FBXO9: variants seen among roughly 807,000 people sequenced by gnomAD.
The protein encoded by FBXO9 is F-box only protein 9.
In FBXO9, 43 loss-of-function variants were observed where a neutral mutation model predicts 63.7. The ratio of observed to expected loss-of-function variants is 0.67; its 90% CI spans 0.53 to 0.87. The LOEUF (loss-of-function observed/expected upper bound fraction) is 0.87. Among genes scored for constraint, FBXO9 ranks in the 40% least tolerant of loss-of-function variants. The probability of loss-of-function intolerance (pLI) is 0.00; values close to 1 mark genes in which losing one functional copy is unlikely to be tolerated. For synonymous variants in FBXO9, 156 were observed against 171.7 expected, an observed-to-expected ratio of 0.91 and a Z score of 0.72; for missense variants, 442 against 533.2, an observed-to-expected ratio of 0.83 and a Z score of 1.68.
In FBXO9 at chr6:53,075,734, A is replaced by ATTTTTTTTTTTTTTTTTTTTTTTTT. The variant is rs761159029; in HGVS notation, c.250-750_250-749insTTTTTTTTTTTTTTTTTTTTTTTTT. On this transcript the variant is annotated intron_variant, in intron 3 of 12. Coordinates refer to ENST00000323557, the MANE Select transcript of FBXO9 (RefSeq NM_033480.3). ...TAATTGGATTACATATATATATATAATTATTTTTTTTTTTTTTTTTTTTTT... is the reference window on the plus strand; with the variant it reads ...TAATTGGATTACATATATATATATAATTTTTTTTTTTTTTTTTTTTTTTTTTTATTTTTTTTTTTTTTTTTTTTTT... 9.7e-5 allele frequency among the ~76,000 whole-genome samples: 8 copies of ATTTTTTTTTTTTTTTTTTTTTTTTT among 82,180 alleles called. 3 individuals are homozygous for ATTTTTTTTTTTTTTTTTTTTTTTTT. The highest frequency in any genetic ancestry group is 1.0e-4 in the African/African-American group (2 of 19,318). The allele number at this position is 82,180 out of a possible 152,430, so 53.9% of individuals were successfully genotyped here.
rs987352670 is a variant in FBXO9 at position 53,100,221 on chromosome 6, T to C, written c.*2391T>C. ...AAGATAACCAGAAGAAAATTTTTGC[T>C]ATGTAACCTTTTTCTTCTGGTCTTT... On this transcript the variant is annotated 3_prime_UTR_variant, in exon 13 of 13. Coordinates refer to ENST00000323557, the MANE Select transcript of FBXO9 (RefSeq NM_033480.3). 1.3e-5 allele frequency: 2 copies of C among 152,040 alleles called. No homozygotes were observed. 9.4% of individuals were successfully genotyped at this position (152,040 alleles called of 1,614,324 possible). A position where few individuals can be genotyped will look rare whatever the true frequency, so the allele number is the denominator to read the frequency against.
rs770124348 is a variant in FBXO9, at chr6:53,092,515, T to C, written c.740T>C (p.Met247Thr). 2 of 1,613,938 alleles carry C rather than the reference T, an allele frequency of 1.2e-6. No homozygotes were observed. The highest frequency in any genetic ancestry group is 1.7e-6 in the Non-Finnish European group (2 of 1,179,866). Residue 247 changes from methionine to threonine, a missense_variant, in exon 8 of 13, where the codon ATG becomes ACG. Around this residue, in one of 2 missense-constraint regions of FBXO9, gnomAD observed 262 missense variants for 362.1 expected, o/e 0.72. Coordinates refer to ENST00000323557, the MANE Select transcript of FBXO9 (RefSeq NM_033480.3). The part of the protein sequence containing the change: ...KLVPYTSWRE[M>T]FLERPRVRFD... ...GTTCCGTACACGTCCTGGAGAGAGATGTTTTTAGAACGGCCTCGTGTTCGG... is the reference window on the plus strand; with the variant it reads ...GTTCCGTACACGTCCTGGAGAGAGACGTTTTTAGAACGGCCTCGTGTTCGG...
At chr6:53,066,117 G>A in intron 1 of FBXO9, 1 of 1,151,896 alleles carries the variant, frequency 8.7e-7, no homozygotes, top group South Asian at 4.4e-5. Flanking sequence ...GTCCTCTCAA[G>A]GGATTTTATC....
chr6:53,080,888 GA>G, intron 5 of FBXO9, 79 bp from the exon 6 acceptor site: 1 of 1,516,070 alleles, frequency 6.6e-7, no homozygotes. Context: ...AAGCAAATTT[GA>G]AAATGCTATG....
intron 6 of FBXO9, among the ~76,000 whole-genome samples, chr6:53,081,940 A>G (rs1360880933): frequency 2.6e-5 from 4 of 152,100 alleles, no homozygotes; most frequent in Non-Finnish European, 4.4e-5. Flanking sequence ...GTCGTGGCGC[A>G]TGACTGTAGT....
chr6:53,097,755 G>C lies in FBXO9; in HGVS notation c.1239G>C (p.Glu413Asp), dbSNP rs1235627455. 1 of 1,605,750 alleles carries C rather than the reference G, an allele frequency of 6.2e-7. No individual in the cohort carries two copies. Among genetic ancestry groups the C allele is most frequent in the Non-Finnish European group, 8.5e-7 (1 of 1,175,566 alleles). ...GTGAGACTGCAGTCAGTGCTTTTGA[G>C]ATTGACAAGATGTACACCCCCTTGT... ...STGETAVSAF[E>D]IDKMYTPLFF... The change falls in exon 13 of 13, where the codon GAG (glutamate) becomes GAC (aspartate). Residue 413 changes from glutamate (E) to aspartate (D), a missense_variant. This residue lies in a region of FBXO9 where 262 missense variants were observed against 362.1 expected (regional missense o/e 0.72). Coordinates refer to ENST00000323557, the MANE Select transcript of FBXO9 (RefSeq NM_033480.3).
chr6:53,074,362 G>C (rs1490967529), intron 3 of FBXO9, among the ~76,000 whole-genome samples: 1 of 152,076 alleles, frequency 6.6e-6, no homozygotes, highest in Admixed American at 6.6e-5. Flanking sequence ...AATAATTACA[G>C]GTCCACAGGT....
Position 53,065,705 on chromosome 6 carries a change from C to G in FBXO9, c.-85C>G, listed in dbSNP as rs1768667111. 7.1e-7 allele frequency: 1 copy of G among 1,411,656 alleles called. No individual in the cohort carries two copies. 87.4% of individuals were successfully genotyped at this position (1,411,656 alleles called of 1,614,324 possible). A position where few individuals can be genotyped will look rare whatever the true frequency, so the allele number is the denominator to read the frequency against. On this transcript the variant is annotated 5_prime_UTR_variant, in exon 1 of 13. Coordinates refer to ENST00000323557, the MANE Select transcript of FBXO9 (RefSeq NM_033480.3). ...CTGCAGAGACAGGCAGGAGTAGACA[C>G]CCGGACACCCAGCACCCCTCCTCCG...
At chr6:53,069,302 TGAA>T (rs1768825625) in intron 1 of FBXO9, among the ~76,000 whole-genome samples, 1 of 152,218 alleles carries the variant, frequency 6.6e-6, no homozygotes. Context: ...AACTTACCTG[TGAA>T]GAAGATAACT....
intron 4 of FBXO9, among the ~76,000 whole-genome samples, chr6:53,077,281 C>A (rs533508533): frequency 6.6e-6 from 1 of 151,602 alleles, no homozygotes; most frequent in Non-Finnish European, 1.5e-5. Flanking sequence ...GAGACCATCC[C>A]GGCTAAAACG....
At position 53,098,626 on chromosome 6, in the gene FBXO9, T is replaced by C. The variant is rs1389286040; in HGVS notation, c.*796T>C. ...AAAAAAATAATTCCTCATTTCATCA[T>C]TGGTCTTTATATGTAGCCACAAACA... On this transcript the variant is annotated 3_prime_UTR_variant, in exon 13 of 13. Coordinates refer to ENST00000323557, the MANE Select transcript of FBXO9 (RefSeq NM_033480.3). 1 of 152,180 alleles carries C rather than the reference T, an allele frequency of 6.6e-6. No individual in the cohort carries two copies. The highest frequency in any genetic ancestry group is 1.5e-5 in the Non-Finnish European group (1 of 68,040). The allele number at this position is 152,180 out of a possible 1,614,324, so 9.4% of individuals were successfully genotyped here. A position where few individuals can be genotyped will look rare whatever the true frequency, so the allele number is the denominator to read the frequency against.
upstream of FBXO9, chr6:53,065,301 T>A (rs2127484735): frequency 6.5e-6 from 1 of 154,620 alleles, no homozygotes; most frequent in Non-Finnish European, 1.4e-5. Flanking sequence ...ACCCCCCGCG[T>A]CAGGCGCGCG....
At chr6:53,069,807 A>AG (rs1316780451) in intron 1 of FBXO9, among the ~76,000 whole-genome samples, 15 of 152,258 alleles carry the variant, frequency 9.9e-5, no homozygotes, top group Non-Finnish European at 1.8e-4. Context: ...TGACATCTTG[A>AG]GAAATATGAA....
intron 6 of FBXO9, 43 bp from the exon 7 acceptor site, chr6:53,082,461 A>G (rs1328476510): frequency 1.5e-6 from 2 of 1,304,742 alleles, no homozygotes; most frequent in South Asian, 1.2e-5. Flanking sequence ...TGACAATAGA[A>G]TGACATAGAG....
At chr6:53,092,214 T>A in intron 7 of FBXO9, 1 of 472,316 alleles carries the variant, frequency 2.1e-6, no homozygotes, top group Non-Finnish European at 3.8e-6. Flanking sequence ...GTTGGTTGAT[T>A]TTTGCACTAA....
Position 53,096,655 on chromosome 6 carries a change from A to G in FBXO9, c.1205+991A>G, listed in dbSNP as rs570462191. ...TGTGGAGGCTTATGCCTATAATCCC[A>G]GGACTTTGGGGGGCCAAGGCAAGAG... On this transcript the variant is annotated intron_variant, in intron 12 of 12. Coordinates refer to ENST00000323557, the MANE Select transcript of FBXO9 (RefSeq NM_033480.3). 2.0e-5 allele frequency among the ~76,000 whole-genome samples: 3 copies of G among 152,202 alleles called. No individual in the cohort carries two copies. In the South Asian group the frequency reaches 6.2e-4, roughly 32 times the overall value.
chr6:53,090,914 G>A (rs926750593), intron 7 of FBXO9: 3 of 152,098 alleles, frequency 2.0e-5, no homozygotes, highest in Non-Finnish European at 4.4e-5. Context: ...ACAGGGTCTT[G>A]CTATATTGCC....
Position 53,092,765 on chromosome 6 carries a change from T to C in FBXO9, c.804T>C (p.Arg268=). 6.2e-7 allele frequency: 1 copy of C among 1,612,496 alleles called. No individual in the cohort carries two copies. Among genetic ancestry groups the C allele is most frequent in the Non-Finnish European group, 8.5e-7 (1 of 1,179,042 alleles). ...GVYISKTTYI[R]QGEQSLDGFY... is the part of the protein sequence containing the mutation. ...ATATCAGTAAAACCACATATATTCG[T>C]CAAGGGGAACAGTCTCTTGATGGTT... is the stretch of plus-strand genomic sequence containing the variant. The change falls in exon 9 of 13, where the codon CGT becomes CGC. Residue 268 remains arginine, a synonymous_variant. Transcript: ENST00000323557.
intron 11 of FBXO9, among the ~76,000 whole-genome samples, 178 bp from the exon 12 acceptor site, chr6:53,095,333 CTG>C (rs1331651770): frequency 6.6e-6 from 1 of 152,066 alleles, no homozygotes; most frequent in Non-Finnish European, 1.5e-5. Flanking sequence ...GGAAAAAAAT[CTG>C]ATATTTTTAG....
Sources: gnomAD v4.1 joint callset for allele counts (sites outside exome capture counted in the v4.1 genomes callset) on GRCh38, gnomAD v4.1.1 for gene constraint, gnomAD v4.1.1 regional missense constraint, MANE v1.5 for transcripts, NCBI Gene and HGNC (gene_info 2026-07-23, HGNC 2026-07-21) for gene names.